The following NOL4L variants were observed in gnomAD, a reference collection of about 807,000 sequenced individuals.
The protein encoded by NOL4L is nucleolar protein 4 like.
Under a neutral mutation model 64.5 loss-of-function variants are expected in NOL4L, and 7 were observed. The observed-to-expected ratio is 0.11, with a 90% CI of 0.06 to 0.20. The LOEUF (loss-of-function observed/expected upper bound fraction) is 0.20. NOL4L is among the 10% of genes least tolerant of loss of function. NOL4L has a pLI of 1.00. For missense variants in NOL4L, 680 were observed against 967.1 expected, an observed-to-expected ratio of 0.70 and a Z score of 3.94; for synonymous variants, 413 against 401.0, an observed-to-expected ratio of 1.03 and a Z score of -0.36.
At position 32,453,466 on chromosome 20, in the gene NOL4L, G is replaced by A. The variant is rs764932383; in HGVS notation, c.1335C>T (p.Asn445=). 1.2e-6 allele frequency: 2 copies of A among 1,614,130 alleles called. No individual in the cohort carries two copies. The highest frequency in any genetic ancestry group is 1.3e-5 in the African/African-American group (1 of 75,024). The change falls in exon 8 of 11, where the codon AAC becomes AAT. Residue 445 remains asparagine, a synonymous_variant. Transcript: ENST00000621426. This position sits in a 1 kb window ranked among gnomAD's most constrained non-coding sequence, Gnocchi z 5.6. The part of the protein sequence containing the change: ...NMFVRLFVDE[N]LDRMVPISKQ... ...TGGAGATGGGCACCATGCGGTCCAG[G>A]TTCTCGTCCACAAAGAGACGCACAA...
chr20:32,523,068 G>T (rs1249217062), intron 2 of NOL4L, among the ~76,000 whole-genome samples: 1 of 152,202 alleles, frequency 6.6e-6, no homozygotes, highest in Non-Finnish European at 1.5e-5. Flanking sequence ...AATAGGAATG[G>T]CTCCCTCTCC....
At chr20:32,583,318 G>A (rs1158802448) in intron 1 of NOL4L, among the ~76,000 whole-genome samples, 3 of 150,036 alleles carry the variant, frequency 2.0e-5, no homozygotes, top group Non-Finnish European at 4.5e-5. Flanking sequence ...GGCCCGGCCC[G>A]GGCGGCCGCG....
chr20:32,496,995 C>A (rs1018942349), intron 4 of NOL4L, among the ~76,000 whole-genome samples: 4 of 150,838 alleles, frequency 2.7e-5, no homozygotes, highest in African/African-American at 9.8e-5. Context: ...CACCCAGTCA[C>A]CCCGAGCAAA....
rs1600602528 is a variant in NOL4L, at chr20:32,443,435, C to G, written c.*4161G>C. Reference sequence around the variant, plus strand: ...CACGTTAAGTTGCATAGGTGCATATCTGTAAAAATATAATTTAGAGGTGAA... The same window carrying G: ...CACGTTAAGTTGCATAGGTGCATATGTGTAAAAATATAATTTAGAGGTGAA... On this transcript the variant is annotated 3_prime_UTR_variant, in exon 11 of 11. Coordinates refer to ENST00000621426, the MANE Select transcript of NOL4L (RefSeq NM_001256798.2). 1 of 152,314 alleles carries G rather than the reference C, an allele frequency of 6.6e-6. No individual in the cohort carries two copies. Among genetic ancestry groups the G allele is most frequent in the East Asian group, 1.9e-4 (1 of 5,188 alleles). 9.4% of individuals were successfully genotyped at this position (152,314 alleles called of 1,614,324 possible).
In NOL4L at chr20:32,503,534, C is replaced by G. The variant is rs150805537; in HGVS notation, c.699+7813G>C. ...ATCTAGGCAGCCAAAGCAGCAGACCCCATATCCTCACAAATGCCACAGGGT... is the reference window on the plus strand; with the variant it reads ...ATCTAGGCAGCCAAAGCAGCAGACCGCATATCCTCACAAATGCCACAGGGT... On this transcript the variant is annotated intron_variant, in intron 4 of 10. Coordinates refer to ENST00000621426, the MANE Select transcript of NOL4L (RefSeq NM_001256798.2). Among the ~76,000 whole-genome samples, 162 of 152,280 alleles carry G rather than the reference C, an allele frequency of 1.1e-3. No homozygotes were observed. The Middle Eastern group carries it at 0.014, about 13-fold the overall frequency.
rs1946766625 is a variant in NOL4L at position 32,460,123 on chromosome 20, T to TG, written c.842-3729dup. 6.6e-6 allele frequency among the ~76,000 whole-genome samples: 1 copy of TG among 152,182 alleles called. No individual in the cohort carries two copies. The highest frequency in any genetic ancestry group is 6.5e-5 in the Admixed American group (1 of 15,268). On this transcript the variant is annotated intron_variant, in intron 5 of 10. Coordinates refer to ENST00000621426, the MANE Select transcript of NOL4L (RefSeq NM_001256798.2). This position sits in a 1 kb window ranked among gnomAD's most constrained non-coding sequence, Gnocchi z 5.7. ...TACTTAAAGGGTGCAGAGTTTCTGT[T>TG]GGGGGATGAACAAGCTGTGGAAATA...
chr20:32,484,808 G>A (rs1054102522), intron 4 of NOL4L, among the ~76,000 whole-genome samples: 18 of 152,008 alleles, frequency 1.2e-4, no homozygotes, highest in Non-Finnish European at 2.2e-4. Context: ...CGGGGCGCAG[G>A]AGGAGGCAGG....
chr20:32,535,675 G>C, intron 1 of NOL4L: 1 of 985,512 alleles, frequency 1.0e-6, no homozygotes, highest in South Asian at 4.7e-5. Flanking sequence ...TACATTTGAG[G>C]ATGTCATCTC....
intron 5 of NOL4L, among the ~76,000 whole-genome samples, chr20:32,469,352 T>C (rs897042875): frequency 3.6e-5 from 4 of 110,934 alleles, no homozygotes; most frequent in South Asian, 2.7e-4. Context: ...TTTCCTCCTT[T>C]ATTTTTCTAT....
At chr20:32,512,158 G>A (rs2017436497) in intron 3 of NOL4L, among the ~76,000 whole-genome samples, 1 of 152,182 alleles carries the variant, frequency 6.6e-6, no homozygotes. Flanking sequence ...CACTTCAGCA[G>A]CCACTTCTTT....
intron 2 of NOL4L, among the ~76,000 whole-genome samples, chr20:32,523,849 A>G (rs1237251130): frequency 6.6e-6 from 1 of 152,240 alleles, no homozygotes; most frequent in Non-Finnish European, 1.5e-5. Context: ...CAGAGAGAGC[A>G]GGAGCTATTT....
rs980998580 is a variant in NOL4L, at chr20:32,462,919, A to G, written c.842-6524T>C. Among the ~76,000 whole-genome samples the G allele has an allele frequency of 1.5e-4, 23 of 150,854 alleles. 1 individual carries two copies. The highest frequency in any genetic ancestry group is 3.1e-4 in the Non-Finnish European group (21 of 67,752). ...ACTCTGTCTTAAAAAAAAAAAAAAAAAAAACTGATTTAAAAGAGACATCGA... is the reference window on the plus strand; with the variant it reads ...ACTCTGTCTTAAAAAAAAAAAAAAAGAAAACTGATTTAAAAGAGACATCGA... On this transcript the variant is annotated intron_variant, in intron 5 of 10. Coordinates refer to ENST00000621426, the MANE Select transcript of NOL4L (RefSeq NM_001256798.2).
chr20:32,574,218 A>G (rs930567784), intron 1 of NOL4L, among the ~76,000 whole-genome samples: 2 of 152,244 alleles, frequency 1.3e-5, no homozygotes, highest in African/African-American at 4.8e-5. Context: ...TGCCCAGTCA[A>G]GAGCCCCTGT....
chr20:32,450,709 G>A (rs1600622491), intron 10 of NOL4L, among the ~76,000 whole-genome samples: 1 of 152,102 alleles, frequency 6.6e-6, no homozygotes, highest in African/African-American at 2.4e-5. Context: ...TGTCACCATC[G>A]CCTGCTGCTA....
At position 32,464,693 on chromosome 20, in the gene NOL4L, G is replaced by A. The variant is rs1346686920; in HGVS notation, c.842-8298C>T. ...GGCCCTCACAGTCGGGAGCAGCACT[G>A]TCCGACAGAAACAGAGTGGGAGCCG... On this transcript the variant is annotated intron_variant, in intron 5 of 10. Transcript: ENST00000621426. The surrounding 1 kb of genome is among the most constrained non-coding windows in gnomAD (Gnocchi z 5.6). 14 of 247,560 alleles carry A rather than the reference G, an allele frequency of 5.7e-5. No homozygotes were observed. The highest frequency in any genetic ancestry group is 1.1e-4 in the Admixed American group (2 of 18,050). The allele number at this position is 247,560 out of a possible 1,614,324, so 15.3% of individuals were successfully genotyped here.
intron 1 of NOL4L, among the ~76,000 whole-genome samples, chr20:32,578,145 AGGGAGGGAG>A (rs1980241690): frequency 1.3e-4 from 6 of 45,226 alleles, no homozygotes; most frequent in African/African-American, 6.4e-4. Flanking sequence ...GGAAGGAGGG[AGGGAGGGAG>A]GGAGGGAGGG....
intron 1 of NOL4L, among the ~76,000 whole-genome samples, chr20:32,566,504 T>C (rs1206873847): frequency 6.6e-6 from 1 of 152,148 alleles, no homozygotes; most frequent in Non-Finnish European, 1.5e-5. Flanking sequence ...GAGTAAAATG[T>C]GGTCTTTTGA....
chr20:32,567,499 C>A (rs1979499560), intron 1 of NOL4L, among the ~76,000 whole-genome samples: 1 of 152,172 alleles, frequency 6.6e-6, no homozygotes, highest in Non-Finnish European at 1.5e-5. Context: ...CTTACTTGGG[C>A]AAAACCAGAC....
chr20:32,538,065 C>G (rs556721552), intron 1 of NOL4L, among the ~76,000 whole-genome samples: 1 of 152,204 alleles, frequency 6.6e-6, no homozygotes, highest in Non-Finnish European at 1.5e-5. Context: ...AGGCATGAGC[C>G]ACCACACCCA....
Sources: gnomAD v4.1 joint callset for allele counts (sites outside exome capture counted in the v4.1 genomes callset) on GRCh38, gnomAD v4.1.1 for gene constraint, Gnocchi (gnomAD v3.1) non-coding constraint, MANE v1.5 for transcripts, NCBI Gene and HGNC (gene_info 2026-07-23, HGNC 2026-07-21) for gene names.